Variants in COBL observed in about 807,000 individuals in gnomAD.
COBL encodes protein cordon-bleu.
A neutral mutation model predicts 98.8 loss-of-function variants in COBL; 51 were observed. The observed-to-expected ratio is 0.52, with a 90% CI of 0.41 to 0.65. COBL has a LOEUF of 0.65. Ranked by LOEUF, COBL falls within the 30% of genes least tolerant of loss-of-function variation. COBL has a pLI of 0.00. For missense variants in COBL, 1,617 were observed against 1,617.5 expected (o/e 1.00, Z 0.01); for synonymous variants, 634 against 651.7 (o/e 0.97, Z 0.41).
At chr7:51,020,537 T>G (rs979134621) in intron 12 of COBL, among the ~76,000 whole-genome samples, 6 of 152,154 alleles carry the variant, frequency 3.9e-5, no homozygotes, top group Non-Finnish European at 7.4e-5. Context: ...ATTAGGAGGG[T>G]ACTTGTACAT....
At chr7:51,209,677 C>T (rs911483240) in intron 2 of COBL, among the ~76,000 whole-genome samples, 22 of 152,106 alleles carry the variant, frequency 1.4e-4, no homozygotes, top group African/African-American at 5.3e-4. Flanking sequence ...TGTGGCCACA[C>T]CATGCACTGC....
At chr7:51,099,941 G>A (rs1274804903) in intron 6 of COBL, among the ~76,000 whole-genome samples, 4 of 152,162 alleles carry the variant, frequency 2.6e-5, no homozygotes, top group Non-Finnish European at 5.9e-5. Flanking sequence ...CTGGTGTGAT[G>A]TGGTGTTCTA....
At chr7:51,091,062 G>T (rs1408650868) in intron 6 of COBL, among the ~76,000 whole-genome samples, 1 of 152,220 alleles carries the variant, frequency 6.6e-6, no homozygotes, top group East Asian at 1.9e-4. Context: ...TACACTGTAA[G>T]AAGCCAGTCC....
chr7:51,156,907 C>G, intron 5 of COBL, among the ~76,000 whole-genome samples: 1 of 152,168 alleles, frequency 6.6e-6, no homozygotes, highest in South Asian at 2.1e-4. Context: ...GAGAGGGAGC[C>G]ACACAGCTGC....
chr7:51,115,917 A>G (rs1420363653), intron 6 of COBL, among the ~76,000 whole-genome samples: 1 of 152,084 alleles, frequency 6.6e-6, no homozygotes, highest in African/African-American at 2.4e-5. Context: ...ACACATATAT[A>G]TGAGTATGAA....
At chr7:51,110,826 T>C (rs1796754836) in intron 6 of COBL, among the ~76,000 whole-genome samples, 1 of 152,242 alleles carries the variant, frequency 6.6e-6, no homozygotes, top group Non-Finnish European at 1.5e-5. Context: ...CTTACAATCA[T>C]AGTCTCCAAT....
At chr7:51,135,242 C>T (rs771266805) in intron 6 of COBL, among the ~76,000 whole-genome samples, 5 of 152,088 alleles carry the variant, frequency 3.3e-5, no homozygotes, top group South Asian at 4.2e-4. Context: ...GGATTACAGG[C>T]GTGAGCTACT....
At chr7:51,286,419 A>T (rs1224851353) in intron 1 of COBL, among the ~76,000 whole-genome samples, 2 of 151,010 alleles carry the variant, frequency 1.3e-5, no homozygotes, top group African/African-American at 4.9e-5. Flanking sequence ...AAAAAAAAGC[A>T]AAAAAAAATC....
Position 51,182,980 on chromosome 7 carries a change from GGGCTACAGGGACGTGCT to G in COBL, c.783+1105_783+1121del, listed in dbSNP as rs368561021. 3.5e-3 allele frequency among the ~76,000 whole-genome samples: 537 copies of G among 152,276 alleles called. 2 individuals are homozygous for G. Among genetic ancestry groups the G allele is most frequent in the African/African-American group, 0.012 (480 of 41,552 alleles). On this transcript the variant is annotated intron_variant, in intron 5 of 12. Coordinates refer to ENST00000265136, the MANE Select transcript of COBL (RefSeq NM_015198.5). The stretch of plus-strand genomic sequence containing the variant: ...TCCTCCTCCCTTCCCAAACACCACA[GGGCTACAGGGACGTGCT>G]GGCTCTGCACGCAGACACATCTGTG...
intron 1 of COBL, among the ~76,000 whole-genome samples, chr7:51,237,657 T>C (rs1358286736): frequency 6.6e-6 from 1 of 152,006 alleles, no homozygotes; most frequent in Non-Finnish European, 1.5e-5. Flanking sequence ...AAACACAGAA[T>C]GCTTGTCATA....
At chr7:51,167,502 C>T (rs1041342213) in intron 5 of COBL, among the ~76,000 whole-genome samples, 3 of 151,730 alleles carry the variant, frequency 2.0e-5, no homozygotes, top group African/African-American at 4.8e-5. Flanking sequence ...TCCATACTAC[C>T]GTAAGCATTC....
At chr7:51,218,279 T>C (rs1185792545) in intron 2 of COBL, among the ~76,000 whole-genome samples, 1 of 152,240 alleles carries the variant, frequency 6.6e-6, no homozygotes, top group African/African-American at 2.4e-5. Context: ...CTGGTTAATT[T>C]GATAAAGTAA....
chr7:51,072,713 A>G (rs1792686162), intron 7 of COBL: 1 of 152,254 alleles, frequency 6.6e-6, no homozygotes, highest in Non-Finnish European at 1.5e-5. Context: ...GAATCATAAT[A>G]TAGAATAATG....
chr7:51,130,003 CG>C (rs1032408836), intron 6 of COBL, among the ~76,000 whole-genome samples: 16 of 152,074 alleles, frequency 1.1e-4, no homozygotes, highest in African/African-American at 3.9e-4. Flanking sequence ...TGCTTGAGCC[CG>C]GGAGTGCAGG....
intron 5 of COBL, among the ~76,000 whole-genome samples, chr7:51,147,757 T>TC (rs199914640): frequency 0.013 from 1,959 of 151,200 alleles, 36 homozygotes; most frequent in South Asian, 0.071. Context: ...TCTTTTCTTT[T>TC]TTTTTTTTTT....
intron 10 of COBL, 148 bp from the exon 11 acceptor site, chr7:51,026,813 G>A: frequency 9.8e-7 from 1 of 1,023,872 alleles, no homozygotes; most frequent in Non-Finnish European, 1.4e-6. Flanking sequence ...CACCAGAATT[G>A]TTTGAACCCG....
At chr7:51,249,124 G>T (rs915570305) in intron 1 of COBL, among the ~76,000 whole-genome samples, 1 of 152,094 alleles carries the variant, frequency 6.6e-6, no homozygotes, top group Non-Finnish European at 1.5e-5. Context: ...TGAATCTCTT[G>T]TCTCTCAGAA....
At chr7:51,143,902 T>A (rs571516262) in intron 5 of COBL, among the ~76,000 whole-genome samples, 26 of 152,390 alleles carry the variant, frequency 1.7e-4, no homozygotes, top group Non-Finnish European at 3.2e-4. Context: ...GCACTGTTTA[T>A]AATGTTGCCC....
At chr7:51,213,747 G>C (rs1463519117) in intron 2 of COBL, among the ~76,000 whole-genome samples, 1 of 152,014 alleles carries the variant, frequency 6.6e-6, no homozygotes, top group Non-Finnish European at 1.5e-5. Flanking sequence ...AAGCCACATC[G>C]CCGGAAACAG....
Sources: gnomAD v4.1 joint callset for allele counts (sites outside exome capture counted in the v4.1 genomes callset) on GRCh38, gnomAD v4.1.1 for gene constraint, MANE v1.5 for transcripts, NCBI Gene and HGNC (gene_info 2026-07-23, HGNC 2026-07-21) for gene names.